KCNIP4: variants seen among roughly 807,000 people sequenced by gnomAD.
The protein encoded by KCNIP4 is Kv channel-interacting protein 4.
Under a neutral mutation model 34.0 loss-of-function variants are expected in KCNIP4, and 12 were observed. The ratio of observed to expected loss-of-function variants is 0.35; its 90% CI spans 0.23 to 0.57. The LOEUF is 0.57. Among genes scored for constraint, KCNIP4 ranks in the 20% least tolerant of loss-of-function variants. The probability of loss-of-function intolerance (pLI) is 0.83; values close to 1 mark genes in which losing one functional copy is unlikely to be tolerated. For missense variants in KCNIP4, 238 were observed against 311.7 expected (o/e 0.76, Z 1.78); for synonymous variants, 124 against 102.2 (o/e 1.21, Z -1.29).
intron 1 of KCNIP4, among the ~76,000 whole-genome samples, chr4:21,505,026 T>C (rs767678327): frequency 6.6e-6 from 1 of 152,216 alleles, no homozygotes; most frequent in African/African-American, 2.4e-5. Flanking sequence ...GTAATTGCTC[T>C]AGACATTTAA....
chr4:21,030,678 A>G (rs1383237939), intron 1 of KCNIP4, among the ~76,000 whole-genome samples: 3 of 152,144 alleles, frequency 2.0e-5, no homozygotes, highest in Admixed American at 1.3e-4. Context: ...TGTTGCTTTT[A>G]TCATCATCAT....
chr4:21,237,629 G>A (rs998246761), intron 1 of KCNIP4, among the ~76,000 whole-genome samples: 1 of 152,144 alleles, frequency 6.6e-6, no homozygotes, highest in Non-Finnish European at 1.5e-5. Context: ...AGAAAATCTA[G>A]AAGAAATGGA....
intron 1 of KCNIP4, among the ~76,000 whole-genome samples, chr4:21,054,351 T>A (rs1187080468): frequency 1.3e-5 from 2 of 151,924 alleles, no homozygotes; most frequent in Non-Finnish European, 2.9e-5. Flanking sequence ...AAACCCCGTC[T>A]CTACCGAAAA....
At chr4:20,753,932 TCATTCAA>T (rs1005063484) in intron 4 of KCNIP4, among the ~76,000 whole-genome samples, 16 of 151,952 alleles carry the variant, frequency 1.1e-4, no homozygotes, top group African/African-American at 3.9e-4. Context: ...ATTCATTCAT[TCATTCAA>T]CAACTGTTTA....
intron 1 of KCNIP4, among the ~76,000 whole-genome samples, chr4:21,169,430 G>GC (rs1753850649): frequency 6.6e-6 from 1 of 152,042 alleles, no homozygotes; most frequent in Admixed American, 6.5e-5. Context: ...GAGATTACAG[G>GC]TGTGTAATCT....
chr4:21,047,598 A>G (rs1483262269), intron 1 of KCNIP4, among the ~76,000 whole-genome samples: 1 of 152,204 alleles, frequency 6.6e-6, no homozygotes, highest in African/African-American at 2.4e-5. Flanking sequence ...CGTATGTATC[A>G]TCACCCCCAA....
At chr4:20,743,279 C>T (rs931374457) in intron 5 of KCNIP4, among the ~76,000 whole-genome samples, 1 of 152,116 alleles carries the variant, frequency 6.6e-6, no homozygotes, top group Non-Finnish European at 1.5e-5. Flanking sequence ...CTTTAAAGTT[C>T]ATATGGAACC....
intron 1 of KCNIP4, among the ~76,000 whole-genome samples, chr4:21,584,635 G>A (rs1428851672): frequency 6.6e-6 from 1 of 152,030 alleles, no homozygotes; most frequent in African/African-American, 2.4e-5. Flanking sequence ...CCCCTTTAGA[G>A]AGAGCAAGGC....
intron 2 of KCNIP4, among the ~76,000 whole-genome samples, chr4:20,862,930 G>C (rs1577271865): frequency 6.6e-6 from 1 of 152,220 alleles, no homozygotes; most frequent in East Asian, 1.9e-4. Flanking sequence ...AGAACACATG[G>C]ATACATAGAA....
chr4:20,798,546 C>A lies in KCNIP4; in HGVS notation c.289-39656G>T, dbSNP rs374663648. On this transcript the variant is annotated intron_variant, in intron 3 of 8. Coordinates refer to ENST00000382152, the MANE Select transcript of KCNIP4 (RefSeq NM_025221.6). ...ACATACACACACACACACAGACACA[C>A]AAAAAAGCTATGAATAATCAAGTAC... 4.1e-3 allele frequency among the ~76,000 whole-genome samples: 616 copies of A among 151,772 alleles called. 4 individuals are homozygous for A. Among genetic ancestry groups the A allele is most frequent in the Middle Eastern group, 0.017 (5 of 294 alleles).
At chr4:21,589,629 G>A (rs1264434408) in intron 1 of KCNIP4, among the ~76,000 whole-genome samples, 1 of 151,748 alleles carries the variant, frequency 6.6e-6, no homozygotes, top group Non-Finnish European at 1.5e-5. Flanking sequence ...TATGTATGAG[G>A]TTTAAATAGT....
At chr4:21,278,411 T>C (rs1284643278) in intron 1 of KCNIP4, among the ~76,000 whole-genome samples, 1 of 152,136 alleles carries the variant, frequency 6.6e-6, no homozygotes, top group Non-Finnish European at 1.5e-5. Context: ...GTCCATGAGT[T>C]CTCATCACTT....
intron 1 of KCNIP4, among the ~76,000 whole-genome samples, chr4:21,745,522 T>G (rs1716712588): frequency 6.6e-6 from 1 of 152,110 alleles, no homozygotes; most frequent in Non-Finnish European, 1.5e-5. Flanking sequence ...AAAGAAAGCT[T>G]TACTCTGTAA....
intron 1 of KCNIP4, among the ~76,000 whole-genome samples, chr4:20,976,987 C>T (rs1394576510): frequency 6.6e-6 from 1 of 152,020 alleles, no homozygotes; most frequent in Non-Finnish European, 1.5e-5. Context: ...GCATGCACCA[C>T]CACGCCTGGC....
chr4:20,929,742 A>T (rs2149599066), intron 1 of KCNIP4, among the ~76,000 whole-genome samples: 1 of 152,104 alleles, frequency 6.6e-6, no homozygotes, highest in African/African-American at 2.4e-5. Context: ...ACTAATAACA[A>T]CATATCTGAA....
intron 1 of KCNIP4, among the ~76,000 whole-genome samples, chr4:21,389,789 T>A (rs1454054198): frequency 2.6e-5 from 4 of 152,124 alleles, no homozygotes; most frequent in Admixed American, 2.6e-4. Flanking sequence ...TATAGCAGCA[T>A]AATTTATAAT....
At chr4:21,871,263 C>T (rs1484526571) in intron 1 of KCNIP4, among the ~76,000 whole-genome samples, 2 of 124,108 alleles carry the variant, frequency 1.6e-5, no homozygotes, top group Non-Finnish European at 3.4e-5. Flanking sequence ...CCCCGCTCCC[C>T]ACCTCCCCCC....
chr4:21,300,349 A>G (rs2109239129), intron 1 of KCNIP4, among the ~76,000 whole-genome samples: 1 of 152,270 alleles, frequency 6.6e-6, no homozygotes, highest in African/African-American at 2.4e-5. Context: ...ATAATTCTGG[A>G]GCCTCCTAAA....
intron 1 of KCNIP4, among the ~76,000 whole-genome samples, chr4:20,916,885 T>C (rs12233872): frequency 0.14 from 19,385 of 136,862 alleles, 2,205 homozygotes; most frequent in East Asian, 0.22. Context: ...GTTAACTTAA[T>C]TGTGGTCACA....
Sources: gnomAD v4.1 joint callset for allele counts (sites outside exome capture counted in the v4.1 genomes callset) on GRCh38, gnomAD v4.1.1 for gene constraint, MANE v1.5 for transcripts, NCBI Gene and HGNC (gene_info 2026-07-23, HGNC 2026-07-21) for gene names.